Variants in SIPA1L3 observed in about 807,000 individuals in gnomAD.
SIPA1L3 encodes signal-induced proliferation-associated 1-like protein 3.
A neutral mutation model predicts 150.1 loss-of-function variants in SIPA1L3; 59 were observed. The observed-to-expected ratio is 0.39, with a 90% CI of 0.32 to 0.49. The LOEUF is 0.49. Ranked by LOEUF, SIPA1L3 falls within the 20% of genes least tolerant of loss-of-function variation. The pLI is 0.86. For synonymous variants in SIPA1L3, 1,070 were observed against 1,077.6 expected, an observed-to-expected ratio of 0.99 and a Z score of 0.14; for missense variants, 2,211 against 2,489.5, an observed-to-expected ratio of 0.89 and a Z score of 2.38.
intron 1 of SIPA1L3, among the ~76,000 whole-genome samples, chr19:37,942,337 G>C (rs1371081897): frequency 1.3e-5 from 2 of 151,810 alleles, no homozygotes; most frequent in African/African-American, 2.4e-5. Context: ...ATTGTGGGAG[G>C]CTGGAAAACT....
At chr19:38,018,666 C>T (rs1481803114) in intron 1 of SIPA1L3, among the ~76,000 whole-genome samples, 2 of 152,104 alleles carry the variant, frequency 1.3e-5, no homozygotes, top group Admixed American at 6.6e-5. Context: ...AGCTAATGGA[C>T]ATTCTGGGTT....
At chr19:38,201,154 G>T (rs899984052) in intron 19 of SIPA1L3, among the ~76,000 whole-genome samples, 1 of 152,196 alleles carries the variant, frequency 6.6e-6, no homozygotes, top group Non-Finnish European at 1.5e-5. Context: ...CACCTCCGAG[G>T]ATTCCATTGT....
At chr19:38,035,687 C>T (rs557920777) in intron 2 of SIPA1L3, among the ~76,000 whole-genome samples, 1 of 151,866 alleles carries the variant, frequency 6.6e-6, no homozygotes, top group African/African-American at 2.4e-5. Context: ...TAGGACAGTA[C>T]CTGGCACGAG....
intron 2 of SIPA1L3, among the ~76,000 whole-genome samples, chr19:38,065,152 A>G (rs954963463): frequency 1.3e-5 from 2 of 152,066 alleles, no homozygotes; most frequent in African/African-American, 2.4e-5. Flanking sequence ...GGGTGATTAC[A>G]GCCTCTATTT....
intron 15 of SIPA1L3, among the ~76,000 whole-genome samples, chr19:38,178,086 GGTGTGTGT>G (rs765404105): frequency 0.02 from 2,674 of 130,950 alleles, 28 homozygotes; most frequent in South Asian, 0.061. Context: ...GCAGGCTTTT[GGTGTGTGT>G]GTGTGTGTGT....
intron 5 of SIPA1L3, 136 bp downstream of exon 5, chr19:38,100,286 A>C (rs575245398): frequency 1.5e-6 from 1 of 677,712 alleles, no homozygotes; most frequent in East Asian, 3.2e-5. Flanking sequence ...TTTCAGCAAA[A>C]GGAGGGATTC....
chr19:38,163,217 C>T (rs564377141), intron 14 of SIPA1L3, among the ~76,000 whole-genome samples: 4 of 152,190 alleles, frequency 2.6e-5, no homozygotes, highest in East Asian at 1.9e-4. Flanking sequence ...GGGCTGGGCG[C>T]GGTGGCTCAC....
At chr19:38,138,584 C>T (rs909695474) in intron 10 of SIPA1L3, among the ~76,000 whole-genome samples, 2 of 21,638 alleles carry the variant, frequency 9.2e-5, no homozygotes, top group Non-Finnish European at 1.5e-4. Context: ...CTTGCCTCCC[C>T]CTCCCACAGG....
At position 37,924,094 on chromosome 19, in the gene SIPA1L3, C is replaced by T. The variant is rs2046480376; in HGVS notation, c.-379+16736C>T. On this transcript the variant is annotated intron_variant, in intron 1 of 21. Transcript: ENST00000222345. ...TGGCCTTGACTCTTTGGTAATACCACTTAGCTTAAAACACACCTTATTCAG... is the reference window on the plus strand; with the variant it reads ...TGGCCTTGACTCTTTGGTAATACCATTTAGCTTAAAACACACCTTATTCAG... Among the ~76,000 whole-genome samples the T allele has an allele frequency of 2.0e-5, 3 of 152,140 alleles. No individual in the cohort carries two copies. The South Asian group carries it at 6.2e-4, about 31-fold the overall frequency.
At chr19:37,995,381 A>G (rs943863293) in intron 1 of SIPA1L3, among the ~76,000 whole-genome samples, 4 of 152,196 alleles carry the variant, frequency 2.6e-5, no homozygotes, top group Non-Finnish European at 4.4e-5. Flanking sequence ...GGCATCTCAT[A>G]CAGCGTGGAG....
chr19:38,012,085 G>T (rs1183714835), intron 1 of SIPA1L3, among the ~76,000 whole-genome samples: 1 of 149,146 alleles, frequency 6.7e-6, no homozygotes, highest in Non-Finnish European at 1.5e-5. Flanking sequence ...TTGCTGGGCT[G>T]TGTCTTTTTT....
intron 15 of SIPA1L3, among the ~76,000 whole-genome samples, chr19:38,177,663 T>A (rs1386278113): frequency 1.3e-5 from 2 of 152,220 alleles, no homozygotes; most frequent in African/African-American, 4.8e-5. Context: ...TTACTATAGT[T>A]CAGACCATCT....
intron 4 of SIPA1L3, among the ~76,000 whole-genome samples, chr19:38,098,007 A>T (rs1252777073): frequency 6.6e-6 from 1 of 152,212 alleles, no homozygotes; most frequent in Non-Finnish European, 1.5e-5. Context: ...AAGGCACGTA[A>T]CCTCTTGGAA....
At chr19:38,179,883 C>T (rs908616478) in intron 15 of SIPA1L3, among the ~76,000 whole-genome samples, 8 of 151,958 alleles carry the variant, frequency 5.3e-5, no homozygotes, top group Non-Finnish European at 7.3e-5. Context: ...CACTCTGTCA[C>T]CCAGGCTAGA....
chr19:38,101,872 A>G (rs972521046), intron 6 of SIPA1L3, among the ~76,000 whole-genome samples: 2 of 152,148 alleles, frequency 1.3e-5, no homozygotes, highest in African/African-American at 4.8e-5. Context: ...ACCTCGGTGC[A>G]CCCAGTGCAC....
intron 1 of SIPA1L3, among the ~76,000 whole-genome samples, chr19:37,972,348 G>T (rs1966963709): frequency 6.6e-6 from 1 of 152,088 alleles, no homozygotes; most frequent in South Asian, 2.1e-4. Context: ...AAATCCATTG[G>T]CAGATCTAAC....
chr19:38,143,367 TC>T (rs1971634837), intron 12 of SIPA1L3, among the ~76,000 whole-genome samples: 1 of 152,012 alleles, frequency 6.6e-6, no homozygotes, highest in Admixed American at 6.6e-5. Flanking sequence ...CCTGTGAATG[TC>T]CCCTTCCTCC....
At chr19:38,083,852 G>T (rs1018981502) in intron 3 of SIPA1L3, among the ~76,000 whole-genome samples, 1 of 152,048 alleles carries the variant, frequency 6.6e-6, no homozygotes, top group Non-Finnish European at 1.5e-5. Flanking sequence ...AATTAGCCAG[G>T]CATGGTGACA....
In SIPA1L3 at chr19:38,050,246, G is replaced by A. The variant is rs529059524; in HGVS notation, c.-311+21090G>A. 1.3e-4 allele frequency among the ~76,000 whole-genome samples: 19 copies of A among 151,940 alleles called. No homozygotes were observed. In the South Asian group the frequency reaches 1.9e-3, roughly 15 times the overall value. ...CGAGGCAGGTGGATCACTTGACGTC[G>A]TGAGTTCGAGACCAGCCTGGCCAAC... is the stretch of plus-strand genomic sequence containing the variant. On this transcript the variant is annotated intron_variant, in intron 2 of 21. Coordinates refer to ENST00000222345, the MANE Select transcript of SIPA1L3 (RefSeq NM_015073.3).
Sources: allele counts gnomAD v4.1 joint callset (sites outside exome capture counted in the v4.1 genomes callset), GRCh38; gene constraint gnomAD v4.1.1; transcripts MANE v1.5; gene names NCBI Gene and HGNC (gene_info 2026-07-23, HGNC 2026-07-21).